The following HKDC1 variants were observed in gnomAD, a reference collection of about 807,000 sequenced individuals.
HKDC1 encodes hexokinase domain containing 1.
HKDC1 carries 66 observed loss-of-function variants against 96.6 expected under a neutral mutation model. That is an observed-to-expected ratio of 0.68 (90% CI 0.56 to 0.84). The LOEUF (loss-of-function observed/expected upper bound fraction) is 0.84, where lower values mean the gene tolerates loss of function less well. Ranked by LOEUF, HKDC1 falls within the 40% of genes least tolerant of loss-of-function variation. The pLI, the probability that HKDC1 is intolerant of heterozygous loss-of-function variation, is 0.00. For synonymous variants in HKDC1, 466 were observed against 473.1 expected, an observed-to-expected ratio of 0.98 and a Z score of 0.20; for missense variants, 1,211 against 1,208.1, an observed-to-expected ratio of 1.00 and a Z score of -0.04.
chr10:69,266,842 C>G lies in HKDC1; in HGVS notation c.*85C>G, dbSNP rs974853287. 7.1e-7 allele frequency: 1 copy of G among 1,399,328 alleles called. No homozygotes were observed. Among genetic ancestry groups the G allele is most frequent in the African/African-American group, 1.4e-5 (1 of 69,402 alleles). 86.7% of individuals were successfully genotyped at this position (1,399,328 alleles called of 1,614,324 possible). A position where few individuals can be genotyped will look rare whatever the true frequency, so the allele number is the denominator to read the frequency against. ...TCAGTTGGTCAGAGACCAATGGGCA[C>G]CCTCCTGGCTGACCTCACCTTCTGG... On this transcript the variant is annotated 3_prime_UTR_variant, in exon 18 of 18. Coordinates refer to ENST00000354624, the MANE Select transcript of HKDC1 (RefSeq NM_025130.4).
intron 4 of HKDC1, among the ~76,000 whole-genome samples, chr10:69,237,285 G>C (rs532843159): frequency 0.1 from 10,841 of 106,580 alleles, 1,153 homozygotes; most frequent in African/African-American, 0.33. Context: ...CTTTGTGTGT[G>C]TGTGTGTGTG....
intron 17 of HKDC1, 80 bp downstream of exon 17, chr10:69,265,898 C>A: frequency 2.0e-6 from 2 of 1,002,642 alleles, no homozygotes; most frequent in Non-Finnish European, 1.5e-6. Flanking sequence ...GCCTCCTGAA[C>A]TGCGGCATGG....
intron 4 of HKDC1, among the ~76,000 whole-genome samples, 186 bp downstream of exon 4, chr10:69,233,319 A>G (rs191426110): frequency 6.6e-6 from 1 of 152,254 alleles, no homozygotes; most frequent in East Asian, 1.9e-4. Flanking sequence ...CCTTGATTTT[A>G]TGATTAACGT....
At chr10:69,244,949 TG>T (rs573452433) in intron 7 of HKDC1, among the ~76,000 whole-genome samples, 189 of 152,304 alleles carry the variant, frequency 1.2e-3, no homozygotes, top group African/African-American at 4.3e-3. Context: ...TCGCCAAGGC[TG>T]GAGTGCAGTG....
intron 1 of HKDC1, chr10:69,222,895 T>G (rs547285475): frequency 1.3e-5 from 2 of 152,360 alleles, no homozygotes; most frequent in African/African-American, 4.8e-5. Flanking sequence ...AAGGCACAGC[T>G]CGTTTCTCTG....
chr10:69,239,656 G>T (rs1318713873), intron 5 of HKDC1, among the ~76,000 whole-genome samples: 1 of 152,074 alleles, frequency 6.6e-6, no homozygotes, highest in African/African-American at 2.4e-5. Context: ...ATTGCTTGTT[G>T]CCCTGACAGC....
intron 1 of HKDC1, among the ~76,000 whole-genome samples, chr10:69,221,656 G>T (rs1303195338): frequency 6.6e-6 from 1 of 152,156 alleles, no homozygotes; most frequent in Non-Finnish European, 1.5e-5. Flanking sequence ...AGGCACCGTG[G>T]CTCACGGCTG....
At chr10:69,260,639 T>C (rs1658808506) in intron 15 of HKDC1, among the ~76,000 whole-genome samples, 1 of 152,178 alleles carries the variant, frequency 6.6e-6, no homozygotes, top group Non-Finnish European at 1.5e-5. Context: ...GTCACTGTTG[T>C]TAATGATGAT....
chr10:69,257,248 G>A, intron 13 of HKDC1, 79 bp from the exon 14 acceptor site: 1 of 1,454,208 alleles, frequency 6.9e-7, no homozygotes, highest in Non-Finnish European at 9.7e-7. Context: ...GGGATAACAT[G>A]CCCCTCCTAA....
chr10:69,239,179 G>T lies in HKDC1; in HGVS notation c.591+42G>T. 2.0e-6 allele frequency: 3 copies of T among 1,505,996 alleles called. No homozygotes were observed. In the South Asian group the frequency reaches 3.4e-5, roughly 17 times the overall value. The allele number at this position is 1,505,996 out of a possible 1,614,324, so 93.3% of individuals were successfully genotyped here. On this transcript the variant is annotated intron_variant, in intron 5 of 17. Coordinates refer to ENST00000354624, the MANE Select transcript of HKDC1 (RefSeq NM_025130.4). ...GGTGTGGGAGGCTCTCCCAGCCCTA[G>T]CTCCTTTCTCTTGGGTTGGTGGGGC... is the stretch of plus-strand genomic sequence containing the variant.
rs767674769 is a variant in HKDC1 at position 69,261,169 on chromosome 10, G to A, written c.2247G>A (p.Leu749=). The A allele has an allele frequency of 3.1e-5, 50 of 1,613,926 alleles. No homozygotes were observed. The South Asian group carries it at 5.1e-4, about 16-fold the overall frequency. The part of the protein sequence containing the change: ...RYEKMTSGMY[L]GEIVRQILID... ...AGAAAATGACCAGTGGGATGTACTT[G>A]GGGGAGATTGTGCGGCAGATCCTGA... Residue 749 remains leucine, a synonymous_variant, in exon 16 of 18, where the codon TTG becomes TTA. Coordinates refer to ENST00000354624, the MANE Select transcript of HKDC1 (RefSeq NM_025130.4).
At chr10:69,251,636 T>C (rs995445384) in intron 12 of HKDC1, among the ~76,000 whole-genome samples, 1 of 152,230 alleles carries the variant, frequency 6.6e-6, no homozygotes, top group Non-Finnish European at 1.5e-5. Flanking sequence ...TTTCCATTAA[T>C]TTAGGTCTTC....
Position 69,257,462 on chromosome 10 carries a change from A to G in HKDC1, c.2032+36A>G, listed in dbSNP as rs368645784. On this transcript the variant is annotated intron_variant, in intron 14 of 17. Transcript: ENST00000354624. ...AGGCATGGCCCATTGGCCTAATCCC[A>G]CTGTATCCATTGATGGTTTCCTTTT... The G allele has an allele frequency of 9.7e-6, 14 of 1,441,254 alleles. No homozygotes were observed. The African/African-American group carries it at 1.7e-4, about 17-fold the overall frequency. 89.3% of individuals were successfully genotyped at this position (1,441,254 alleles called of 1,614,324 possible). A position where few individuals can be genotyped will look rare whatever the true frequency, so the allele number is the denominator to read the frequency against.
intron 4 of HKDC1, among the ~76,000 whole-genome samples, chr10:69,237,742 T>C (rs1843385307): frequency 2.0e-5 from 3 of 152,108 alleles, no homozygotes; most frequent in African/African-American, 7.2e-5. Context: ...GAGCAGAAGT[T>C]AGGGAGAGCT....
intron 4 of HKDC1, among the ~76,000 whole-genome samples, chr10:69,238,368 C>CTTTTTTTTTTTTTT (rs55819248): frequency 4.9e-5 from 3 of 61,380 alleles, no homozygotes; most frequent in Non-Finnish European, 9.1e-5. Context: ...CAGGTATTTT[C>CTTTTTTTTTTTTTT]TTTTTTTTTT....
At chr10:69,234,365 C>A (rs1843328708) in intron 4 of HKDC1, among the ~76,000 whole-genome samples, 1 of 152,238 alleles carries the variant, frequency 6.6e-6, no homozygotes, top group Non-Finnish European at 1.5e-5. Context: ...TCCCCTTGGA[C>A]CAGTTCCTTA....
intron 1 of HKDC1, among the ~76,000 whole-genome samples, chr10:69,226,354 T>C (rs1047838292): frequency 2.0e-5 from 3 of 152,168 alleles, no homozygotes; most frequent in African/African-American, 7.2e-5. Context: ...TAAACCAAAA[T>C]GGACATTTAT....
chr10:69,234,258 G>A (rs1299028657), intron 4 of HKDC1, among the ~76,000 whole-genome samples: 1 of 152,088 alleles, frequency 6.6e-6, no homozygotes, highest in Non-Finnish European at 1.5e-5. Context: ...GCTTGATATT[G>A]TTGGCTTGAG....
At chr10:69,225,588 C>T (rs1240654478) in intron 1 of HKDC1, among the ~76,000 whole-genome samples, 4 of 152,144 alleles carry the variant, frequency 2.6e-5, no homozygotes, top group Non-Finnish European at 5.9e-5. Context: ...TGGGTCTGTT[C>T]GTTGTCACGA....
Sources: gnomAD v4.1 joint callset for allele counts (sites outside exome capture counted in the v4.1 genomes callset) on GRCh38, gnomAD v4.1.1 for gene constraint, MANE v1.5 for transcripts, NCBI Gene and HGNC (gene_info 2026-07-23, HGNC 2026-07-21) for gene names.